RBFOX1: variants seen among roughly 807,000 people sequenced by gnomAD.
RBFOX1 encodes the protein RNA binding protein fox-1 homolog 1.
A neutral mutation model predicts 57.7 loss-of-function variants in RBFOX1; 8 were observed. That is an observed-to-expected ratio of 0.14 (90% CI 0.08 to 0.25). The LOEUF (loss-of-function observed/expected upper bound fraction) is 0.25, where lower values mean the gene tolerates loss of function less well. RBFOX1 is among the 10% of genes least tolerant of loss of function. RBFOX1 has a pLI of 1.00. For missense variants in RBFOX1, 611 were observed against 548.5 expected (o/e 1.11, Z -1.14); for synonymous variants, 326 against 222.4 (o/e 1.47, Z -4.15).
intron 3 of RBFOX1, among the ~76,000 whole-genome samples, chr16:7,027,931 G>A (rs577627453): frequency 6.3e-4 from 95 of 151,778 alleles, no homozygotes; most frequent in Admixed American, 1.7e-3. Context: ...AAAAGAGAAG[G>A]AAGGAGGGAG....
chr16:6,596,481 A>G (rs142814304), intron 2 of RBFOX1, among the ~76,000 whole-genome samples: 2 of 152,224 alleles, frequency 1.3e-5, no homozygotes, highest in South Asian at 4.1e-4. Context: ...TTCTCCTACT[A>G]GGGAAAAATT....
Position 6,538,170 on chromosome 16 carries a change from T to C in RBFOX1, c.-63-116433T>C, listed in dbSNP as rs115898391. Among the ~76,000 whole-genome samples the C allele has an allele frequency of 4.6e-3, 697 of 152,226 alleles. 3 individuals are homozygous for C. The highest frequency in any genetic ancestry group is 0.016 in the African/African-American group (666 of 41,532). On this transcript the variant is annotated intron_variant, in intron 2 of 15. Transcript: ENST00000550418. ...ATTACCTCCAATAAGCATGTGGAAA[T>C]ATGCTCAACACCATTAGTCATTAGA...
At chr16:5,311,194 G>A (rs2064078471) in intron 1 of RBFOX1, among the ~76,000 whole-genome samples, 1 of 152,080 alleles carries the variant, frequency 6.6e-6, no homozygotes, top group African/African-American at 2.4e-5. Flanking sequence ...TGGCTGAGTA[G>A]TATTCCACGG....
intron 2 of RBFOX1, among the ~76,000 whole-genome samples, chr16:6,482,634 A>G (rs2095389473): frequency 6.6e-6 from 1 of 152,166 alleles, no homozygotes; most frequent in African/African-American, 2.4e-5. Flanking sequence ...GCGCATTCTC[A>G]TTTAGTACGT....
intron 1 of RBFOX1, among the ~76,000 whole-genome samples, chr16:6,202,752 C>T (rs889193587): frequency 2.0e-5 from 3 of 152,184 alleles, no homozygotes; most frequent in Admixed American, 6.6e-5. Context: ...CCTCCTCCCA[C>T]GTTCTTTATG....
chr16:5,935,881 AT>A (rs1371063528), intron 4 of RBFOX1, among the ~76,000 whole-genome samples: 1 of 152,074 alleles, frequency 6.6e-6, no homozygotes, highest in East Asian at 1.9e-4. Flanking sequence ...TGTTGGCTGA[AT>A]TCACAGAGGT....
chr16:6,109,867 C>T (rs1008422487), intron 1 of RBFOX1, among the ~76,000 whole-genome samples: 1 of 152,154 alleles, frequency 6.6e-6, no homozygotes, highest in Non-Finnish European at 1.5e-5. Context: ...ATATAAATTT[C>T]TTAAAACAGA....
At chr16:6,640,941 T>C (rs182750939) in intron 2 of RBFOX1, among the ~76,000 whole-genome samples, 34 of 152,110 alleles carry the variant, frequency 2.2e-4, no homozygotes, top group Non-Finnish European at 4.0e-4. Flanking sequence ...AAATAATGAC[T>C]GTGGCAGCCA....
At chr16:7,099,450 A>G (rs983852719) in intron 4 of RBFOX1, among the ~76,000 whole-genome samples, 8 of 152,190 alleles carry the variant, frequency 5.3e-5, no homozygotes, top group African/African-American at 1.7e-4. Context: ...TTTAGTGTCT[A>G]GCTGAGTGGT....
intron 3 of RBFOX1, among the ~76,000 whole-genome samples, chr16:5,699,508 GGAT>G (rs1463310085): frequency 1.3e-5 from 2 of 151,872 alleles, no homozygotes; most frequent in Admixed American, 1.3e-4. Flanking sequence ...GCCCCCAAGA[GGAT>G]GTTTTAGATA....
chr16:7,052,812 G>A (rs1353381994), intron 4 of RBFOX1, among the ~76,000 whole-genome samples: 1 of 152,068 alleles, frequency 6.6e-6, no homozygotes, highest in East Asian at 1.9e-4. Context: ...CTTCCCATTT[G>A]TTTTCTTCTA....
intron 3 of RBFOX1, among the ~76,000 whole-genome samples, chr16:6,818,287 G>C (rs942154184): frequency 1.3e-5 from 2 of 152,086 alleles, no homozygotes; most frequent in African/African-American, 4.8e-5. Context: ...ATTCACCTGT[G>C]TGTGCGTCTT....
At chr16:7,035,194 G>C (rs1030068220) in intron 3 of RBFOX1, among the ~76,000 whole-genome samples, 1 of 151,950 alleles carries the variant, frequency 6.6e-6, no homozygotes, top group Non-Finnish European at 1.5e-5. Context: ...TGCCAACGCT[G>C]TTGGTCCTCA....
At chr16:5,703,144 T>A (rs1420406270) in intron 3 of RBFOX1, among the ~76,000 whole-genome samples, 1 of 152,110 alleles carries the variant, frequency 6.6e-6, no homozygotes, top group Non-Finnish European at 1.5e-5. Context: ...ATGAGAGAGA[T>A]ATGGAGCAAA....
chr16:7,602,651 T>C (rs1348447509), intron 9 of RBFOX1, among the ~76,000 whole-genome samples: 5 of 152,142 alleles, frequency 3.3e-5, no homozygotes, highest in African/African-American at 1.2e-4. Flanking sequence ...TTGCATGTGA[T>C]TTGCATATAT....
At chr16:7,419,921 C>T (rs921693485) in intron 4 of RBFOX1, among the ~76,000 whole-genome samples, 74 of 96,378 alleles carry the variant, frequency 7.7e-4, no homozygotes, top group African/African-American at 3.0e-3. Flanking sequence ...TTCTTTCTTT[C>T]TTCCTTTTTT....
intron 3 of RBFOX1, among the ~76,000 whole-genome samples, chr16:6,728,619 G>T (rs1347190859): frequency 6.6e-6 from 1 of 152,096 alleles, no homozygotes; most frequent in Non-Finnish European, 1.5e-5. Context: ...GCCTCATATT[G>T]GAGCTGCCCC....
At chr16:6,926,924 T>C (rs1567917232) in intron 3 of RBFOX1, among the ~76,000 whole-genome samples, 1 of 152,172 alleles carries the variant, frequency 6.6e-6, no homozygotes, top group Non-Finnish European at 1.5e-5. Flanking sequence ...CTGGGTTTTG[T>C]TGTCACTGCT....
chr16:6,293,704 T>C (rs1166970315), intron 1 of RBFOX1, among the ~76,000 whole-genome samples: 1 of 152,180 alleles, frequency 6.6e-6, no homozygotes, highest in Non-Finnish European at 1.5e-5. Flanking sequence ...TCGCCTGGTA[T>C]GGGCAGGAAG....
Sources: allele counts gnomAD v4.1 joint callset (sites outside exome capture counted in the v4.1 genomes callset), GRCh38; gene constraint gnomAD v4.1.1; transcripts MANE v1.5; gene names NCBI Gene and HGNC (gene_info 2026-07-23, HGNC 2026-07-21).